Variants in VPS53 observed in about 807,000 individuals in gnomAD.
The protein encoded by VPS53 is vacuolar protein sorting-associated protein 53 homolog.
A neutral mutation model predicts 107.0 loss-of-function variants in VPS53; 70 were observed. The observed-to-expected ratio is 0.65, with a 90% CI of 0.54 to 0.80. VPS53 has a LOEUF of 0.80. VPS53 is among the 30% of genes least tolerant of loss of function. The pLI, the probability that VPS53 is intolerant of heterozygous loss-of-function variation, is 0.00. For missense variants in VPS53, 917 were observed against 1,049.4 expected (o/e 0.87, Z 1.74); for synonymous variants, 409 against 393.3 (o/e 1.04, Z -0.47).
chr17:568,725 G>T (rs546524724), intron 13 of VPS53, among the ~76,000 whole-genome samples: 2 of 152,306 alleles, frequency 1.3e-5, no homozygotes, highest in Admixed American at 1.3e-4. Context: ...TAAATATACT[G>T]AGCATGCTAG....
chr17:519,904 C>T lies in VPS53; in HGVS notation c.2250G>A (p.Leu750=). 6.4e-7 allele frequency: 1 copy of T among 1,551,604 alleles called. No individual in the cohort carries two copies. The highest frequency in any genetic ancestry group is 1.2e-5 in the South Asian group (1 of 84,058). ...LKVVMAPHEP[L]VVFVDNYIKL... The stretch of plus-strand genomic sequence containing the variant: ...TGATGTAGTTGTCAACAAACACCAC[C>T]AACGGTTCATGAGGGGCCATCACTA... The change falls in exon 21 of 22, where the codon TTG becomes TTA. Residue 750 remains leucine (L), a synonymous_variant. Coordinates refer to ENST00000437048, the MANE Select transcript of VPS53 (RefSeq NM_001128159.3). The surrounding 1 kb of genome is among the most constrained non-coding windows in gnomAD (Gnocchi z 5.0).
intron 10 of VPS53, among the ~76,000 whole-genome samples, chr17:625,123 G>A (rs1051903326): frequency 2.0e-5 from 3 of 151,566 alleles, no homozygotes; most frequent in African/African-American, 7.3e-5. Context: ...CTAGTAGCTG[G>A]GATTACAGGT....
At chr17:581,358 C>G (rs1344093608) in intron 13 of VPS53, among the ~76,000 whole-genome samples, 1 of 151,278 alleles carries the variant, frequency 6.6e-6, no homozygotes, top group Non-Finnish European at 1.5e-5. Context: ...GAACCTAATT[C>G]GTTCCCAGAG....
intron 4 of VPS53, among the ~76,000 whole-genome samples, chr17:687,036 G>A (rs1972610378): frequency 6.6e-6 from 1 of 152,232 alleles, no homozygotes; most frequent in East Asian, 1.9e-4. Flanking sequence ...TGTAATCCCA[G>A]CACTTTGAGA....
intron 7 of VPS53, among the ~76,000 whole-genome samples, chr17:643,101 A>C (rs1252345498): frequency 2.4e-5 from 3 of 123,434 alleles, no homozygotes; most frequent in African/African-American, 2.7e-5. Flanking sequence ...TCATACTTGG[A>C]AACCGAGGAC....
intron 4 of VPS53, among the ~76,000 whole-genome samples, chr17:671,174 T>C (rs1361008340): frequency 6.6e-6 from 1 of 150,668 alleles, no homozygotes; most frequent in African/African-American, 2.4e-5. Context: ...GAGGTTGCAG[T>C]GAGCCAAGAT....
intron 13 of VPS53, among the ~76,000 whole-genome samples, chr17:571,999 C>T (rs1174941285): frequency 4.8e-4 from 73 of 151,986 alleles, no homozygotes; most frequent in Non-Finnish European, 8.8e-4. Context: ...TCTGCCTGGC[C>T]GCCCATCGTC....
chr17:558,859 G>T (rs1216815818), intron 15 of VPS53, among the ~76,000 whole-genome samples: 1 of 151,622 alleles, frequency 6.6e-6, no homozygotes, highest in Non-Finnish European at 1.5e-5. Context: ...GCCGGGGATG[G>T]TGATGGGCAT....
intron 2 of VPS53, among the ~76,000 whole-genome samples, chr17:707,543 A>G (rs1313754459): frequency 4.0e-5 from 6 of 150,936 alleles, no homozygotes; most frequent in Non-Finnish European, 7.4e-5. Context: ...AAAAAAAGAA[A>G]ATCAGTTCTG....
chr17:575,376 G>C (rs1308347118), intron 13 of VPS53, among the ~76,000 whole-genome samples: 1 of 152,178 alleles, frequency 6.6e-6, no homozygotes, highest in Non-Finnish European at 1.5e-5. Context: ...AAGGGGAGGG[G>C]TGAAGTGCAA....
chr17:550,170 G>C (rs534185552), intron 17 of VPS53, among the ~76,000 whole-genome samples: 1 of 152,250 alleles, frequency 6.6e-6, no homozygotes, highest in East Asian at 1.9e-4. Context: ...GGGTATGTGG[G>C]CCCAGATGAT....
At chr17:663,480 C>T (rs1321295191) in intron 4 of VPS53, among the ~76,000 whole-genome samples, 3 of 141,834 alleles carry the variant, frequency 2.1e-5, no homozygotes, top group Non-Finnish European at 4.6e-5. Context: ...AGACGTGTAT[C>T]GACCACATGC....
At chr17:683,499 C>T (rs1225782731) in intron 4 of VPS53, among the ~76,000 whole-genome samples, 1 of 151,942 alleles carries the variant, frequency 6.6e-6, no homozygotes, top group Non-Finnish European at 1.5e-5. Flanking sequence ...GCCAGCAGAC[C>T]GTGTTATAAG....
At chr17:625,874 CT>C (rs978975586) in intron 10 of VPS53, among the ~76,000 whole-genome samples, 1 of 151,926 alleles carries the variant, frequency 6.6e-6, no homozygotes, top group African/African-American at 2.4e-5. Context: ...TAGATATGGG[CT>C]TTTTTTTCTC....
In VPS53 at chr17:570,926, A is replaced by G. The variant is rs542383455; in HGVS notation, c.1314-8181T>C. On this transcript the variant is annotated intron_variant, in intron 13 of 21. Coordinates refer to ENST00000437048, the MANE Select transcript of VPS53 (RefSeq NM_001128159.3). The stretch of plus-strand genomic sequence containing the variant: ...TTAATTTCCTGATGTGGACAGTTGT[A>G]CTGTGGTTATGTAGAAACCTTGTTT... Among the ~76,000 whole-genome samples, 3 of 152,296 alleles carry G rather than the reference A, an allele frequency of 2.0e-5. No homozygotes were observed. In the South Asian group the frequency reaches 6.2e-4, roughly 32 times the overall value.
chr17:686,077 G>A (rs1165560245), intron 4 of VPS53, among the ~76,000 whole-genome samples: 1 of 151,844 alleles, frequency 6.6e-6, no homozygotes, highest in Non-Finnish European at 1.5e-5. Context: ...CCAGCACTCT[G>A]GGAAGCGTAG....
intron 7 of VPS53, among the ~76,000 whole-genome samples, chr17:640,206 C>A (rs114650180): frequency 0.02 from 3,094 of 152,302 alleles, 97 homozygotes; most frequent in African/African-American, 0.071. Context: ...AGCCAGGCAC[C>A]AGATATAATC....
chr17:710,695 A>G, intron 1 of VPS53, 82 bp from the exon 2 acceptor site: 1 of 1,144,356 alleles, frequency 8.7e-7, no homozygotes, highest in Non-Finnish European at 1.3e-6. Context: ...ATTAAAAGGA[A>G]AGGGCCGGGC....
chr17:557,278 C>T (rs1912530301), intron 15 of VPS53, among the ~76,000 whole-genome samples: 1 of 152,188 alleles, frequency 6.6e-6, no homozygotes, highest in Non-Finnish European at 1.5e-5. Flanking sequence ...TTCTCACGGC[C>T]TTCTTCCCTG....
Sources: gnomAD v4.1 joint callset for allele counts (sites outside exome capture counted in the v4.1 genomes callset) on GRCh38, gnomAD v4.1.1 for gene constraint, Gnocchi (gnomAD v3.1) non-coding constraint, MANE v1.5 for transcripts, NCBI Gene and HGNC (gene_info 2026-07-23, HGNC 2026-07-21) for gene names.